Variants in RNF150 observed in about 807,000 individuals in gnomAD.
RNF150 encodes ring finger protein 150.
A neutral mutation model predicts 39.3 loss-of-function variants in RNF150; 24 were observed. The observed-to-expected ratio is 0.61, with a 90% confidence interval of 0.44 to 0.86. The LOEUF (loss-of-function observed/expected upper bound fraction) is 0.86. Ranked by LOEUF, RNF150 falls within the 40% of genes least tolerant of loss-of-function variation. RNF150 has a pLI of 0.00. For synonymous variants in RNF150, 255 were observed against 227.3 expected (o/e 1.12, Z -1.10); for missense variants, 502 against 587.8 (o/e 0.85, Z 1.51).
chr4:141,154,169 AAAC>A (rs1403680142), intron 1 of RNF150, among the ~76,000 whole-genome samples: 1 of 152,210 alleles, frequency 6.6e-6, no homozygotes, highest in Non-Finnish European at 1.5e-5. Context: ...CCCACAGAGT[AAAC>A]AACAGGAGGA....
chr4:141,027,912 G>GTTTTTTGTTTTTTTTTTTTTTTTTT lies in RNF150; in HGVS notation c.485-60040_485-60039insAAAAAAAAAAAAAAAAAACAAAAAA, dbSNP rs1560696593. ...TAGATAGTTAATGAGCTTGGAATTT[G>GTTTTTTGTTTTTTTTTTTTTTTTTT]TTTTTTTTTTTTTGTTTTTTTTTTT... On this transcript the variant is annotated intron_variant, in intron 1 of 6. Transcript: ENST00000515673. Among the ~76,000 whole-genome samples the GTTTTTTGTTTTTTTTTTTTTTTTTT allele has an allele frequency of 1.5e-4, 4 of 27,102 alleles. 2 individuals carry two copies. The highest frequency in any genetic ancestry group is 3.4e-4 in the Non-Finnish European group (4 of 11,596). The allele number at this position is 27,102 out of a possible 152,430, so 17.8% of individuals were successfully genotyped here.
At chr4:140,928,743 T>A (rs1287785571) in intron 4 of RNF150, among the ~76,000 whole-genome samples, 2 of 152,126 alleles carry the variant, frequency 1.3e-5, no homozygotes, top group Admixed American at 1.3e-4. Context: ...AGACGGGGTT[T>A]CACTGTGTTA....
intron 1 of RNF150, among the ~76,000 whole-genome samples, chr4:141,187,982 TA>T (rs1728042821): frequency 6.6e-6 from 1 of 152,206 alleles, no homozygotes; most frequent in Non-Finnish European, 1.5e-5. Context: ...CAGTGGCTGG[TA>T]ACGGTTTTTC....
chr4:140,942,186 AAAC>A (rs1225692183), intron 4 of RNF150, among the ~76,000 whole-genome samples: 7 of 152,178 alleles, frequency 4.6e-5, no homozygotes, highest in Admixed American at 1.3e-4. Context: ...AAAAAACAAA[AAAC>A]AAACATCACA....
chr4:141,193,958 A>T (rs1017861404), intron 1 of RNF150, among the ~76,000 whole-genome samples: 1 of 152,242 alleles, frequency 6.6e-6, no homozygotes, highest in South Asian at 2.1e-4. Flanking sequence ...CTGAGGAAGA[A>T]TGACTACATC....
At chr4:141,104,788 C>T (rs1273093297) in intron 1 of RNF150, among the ~76,000 whole-genome samples, 1 of 152,140 alleles carries the variant, frequency 6.6e-6, no homozygotes, top group Non-Finnish European at 1.5e-5. Flanking sequence ...CTAAAGTACA[C>T]CAGTTTATAC....
chr4:140,868,456 G>C, intron 6 of RNF150, 77 bp from the exon 7 acceptor site: 1 of 821,268 alleles, frequency 1.2e-6, no homozygotes, highest in Non-Finnish European at 2.1e-6. Context: ...ACAATTGCTT[G>C]TAATAACATT....
At chr4:141,166,548 AT>A (rs1727608487) in intron 1 of RNF150, among the ~76,000 whole-genome samples, 1 of 152,224 alleles carries the variant, frequency 6.6e-6, no homozygotes, top group Non-Finnish European at 1.5e-5. Flanking sequence ...CCTCAGTAAA[AT>A]ACTGGCAAAC....
intron 1 of RNF150, among the ~76,000 whole-genome samples, chr4:140,973,774 G>C (rs906563167): frequency 1.3e-5 from 2 of 151,544 alleles, no homozygotes; most frequent in Non-Finnish European, 2.9e-5. Context: ...CTACTTGGGA[G>C]GCTGAGGCAG....
At chr4:140,945,858 A>G (rs1235722629) in intron 4 of RNF150, among the ~76,000 whole-genome samples, 1 of 152,006 alleles carries the variant, frequency 6.6e-6, no homozygotes, top group Non-Finnish European at 1.5e-5. Flanking sequence ...TAGGGCTCTA[A>G]ATAATCTTCA....
chr4:141,081,439 G>C (rs988025787), intron 1 of RNF150, among the ~76,000 whole-genome samples: 1 of 152,140 alleles, frequency 6.6e-6, no homozygotes, highest in Admixed American at 6.5e-5. Flanking sequence ...TGCTTCCATC[G>C]GACAGGGGCA....
At chr4:141,202,522 T>A (rs975751973) in intron 1 of RNF150, among the ~76,000 whole-genome samples, 1 of 152,212 alleles carries the variant, frequency 6.6e-6, no homozygotes, top group Non-Finnish European at 1.5e-5. Context: ...TTAAAAAAAA[T>A]TACACCAAGT....
intron 1 of RNF150, among the ~76,000 whole-genome samples, chr4:141,192,982 T>C (rs1316333518): frequency 6.6e-6 from 1 of 152,204 alleles, no homozygotes; most frequent in Non-Finnish European, 1.5e-5. Flanking sequence ...AAAAATTCAA[T>C]CTCTTCATAA....
At chr4:140,905,383 T>G (rs1730335317) in intron 6 of RNF150, among the ~76,000 whole-genome samples, 2 of 152,162 alleles carry the variant, frequency 1.3e-5, no homozygotes, top group African/African-American at 4.8e-5. Flanking sequence ...CAGTTTCTAC[T>G]GAAGAGGCAT....
At chr4:140,921,780 G>A (rs540788406) in intron 5 of RNF150, among the ~76,000 whole-genome samples, 2 of 152,230 alleles carry the variant, frequency 1.3e-5, no homozygotes, top group Non-Finnish European at 2.9e-5. Flanking sequence ...AAGATCAAGT[G>A]GGCTTCATCC....
chr4:141,206,517 G>A (rs916948400), intron 1 of RNF150, among the ~76,000 whole-genome samples: 1 of 151,148 alleles, frequency 6.6e-6, no homozygotes, highest in East Asian at 1.9e-4. Flanking sequence ...TTTCAAATGA[G>A]GATGTCAATT....
chr4:141,001,235 A>T (rs1376051958), intron 1 of RNF150, among the ~76,000 whole-genome samples: 1 of 152,130 alleles, frequency 6.6e-6, no homozygotes, highest in Admixed American at 6.5e-5. Flanking sequence ...AATAAATTGA[A>T]TTGTGTGTTA....
At chr4:141,171,439 C>T (rs1047587963) in intron 1 of RNF150, among the ~76,000 whole-genome samples, 1 of 142,740 alleles carries the variant, frequency 7.0e-6, no homozygotes, top group Non-Finnish European at 1.5e-5. Context: ...TGTGTGGATG[C>T]ATCTATGAGA....
chr4:141,020,626 T>C (rs1432030457), intron 1 of RNF150, among the ~76,000 whole-genome samples: 1 of 152,188 alleles, frequency 6.6e-6, no homozygotes. Flanking sequence ...TTCATCAAGA[T>C]CTTTCTAAAT....
Sources: allele counts gnomAD v4.1 joint callset (sites outside exome capture counted in the v4.1 genomes callset), GRCh38; gene constraint gnomAD v4.1.1; transcripts MANE v1.5; gene names NCBI Gene and HGNC (gene_info 2026-07-23, HGNC 2026-07-21).